Variants in WDFY4 observed in about 807,000 individuals in gnomAD.
WDFY4 encodes WD repeat- and FYVE domain-containing protein 4.
WDFY4 carries 169 observed loss-of-function variants against 351.9 expected under a neutral mutation model. The ratio of observed to expected loss-of-function variants is 0.48; its 90% CI spans 0.42 to 0.55. The LOEUF is 0.55. Among genes scored for constraint, WDFY4 ranks in the 20% least tolerant of loss-of-function variants. The pLI, the probability that WDFY4 is intolerant of heterozygous loss-of-function variation, is 0.00. For synonymous variants in WDFY4, 1,622 were observed against 1,574.6 expected, an observed-to-expected ratio of 1.03 and a Z score of -0.71; for missense variants, 3,803 against 3,935.6, an observed-to-expected ratio of 0.97 and a Z score of 0.90.
At chr10:48,779,549 G>A (rs114599441) in intron 18 of WDFY4, among the ~76,000 whole-genome samples, 1,562 of 152,272 alleles carry the variant, frequency 0.01, 18 homozygotes, top group African/African-American at 0.035. Flanking sequence ...CTGGGACTCG[G>A]CCTACAATGG....
At chr10:48,979,934 GA>G (rs1159695984) in intron 60 of WDFY4, 1 of 152,184 alleles carries the variant, frequency 6.6e-6, no homozygotes, top group African/African-American at 2.4e-5. Flanking sequence ...CCACAGACAA[GA>G]ATCTACCCCA....
intron 1 of WDFY4, among the ~76,000 whole-genome samples, chr10:48,697,975 C>A (rs114188165): frequency 6.6e-6 from 1 of 152,168 alleles, no homozygotes; most frequent in African/African-American, 2.4e-5. Flanking sequence ...CCCACGGGTG[C>A]GCCTGTCCTC....
At position 48,830,838 on chromosome 10, in the gene WDFY4, C is replaced by T. The variant is rs757893031; in HGVS notation, c.6479C>T (p.Thr2160Ile). 5 of 1,551,630 alleles carry T rather than the reference C, an allele frequency of 3.2e-6. No homozygotes were observed. The South Asian group carries it at 5.9e-5, about 18-fold the overall frequency. Residue 2160 changes from threonine (T) to isoleucine (I), a missense_variant, in exon 38 of 62, where the codon ACA becomes ATA. By Grantham distance (89) the Thr-to-Ile change is moderately conservative. This residue lies in a region of WDFY4 where 3,054 missense variants were observed against 3,148.6 expected (regional missense o/e 0.97). Coordinates refer to ENST00000325239, the MANE Select transcript of WDFY4 (RefSeq NM_001394531.1). ...GEREVKIEEV[T>I]PLWEETMLKA... is the part of the protein sequence containing the mutation. Reference sequence around the variant, plus strand: ...AGGGAAGTGAAGATTGAAGAGGTCACACCGCTCTGGGAGGAGACGATGCTC... The same window carrying T: ...AGGGAAGTGAAGATTGAAGAGGTCATACCGCTCTGGGAGGAGACGATGCTC...
intron 45 of WDFY4, among the ~76,000 whole-genome samples, chr10:48,899,721 G>T (rs1242930111): frequency 6.6e-6 from 1 of 152,150 alleles, no homozygotes; most frequent in African/African-American, 2.4e-5. Flanking sequence ...AGGCATTAAG[G>T]AAATACCCCT....
chr10:48,820,790 C>T (rs945699120), intron 33 of WDFY4, among the ~76,000 whole-genome samples: 2 of 152,124 alleles, frequency 1.3e-5, no homozygotes, highest in Non-Finnish European at 2.9e-5. Context: ...TGCTCTCTGC[C>T]TCCCAGGGCC....
intron 1 of WDFY4, among the ~76,000 whole-genome samples, chr10:48,694,253 T>G (rs185445640): frequency 2.4e-4 from 37 of 152,232 alleles, no homozygotes; most frequent in African/African-American, 7.9e-4. Context: ...TCTGGAGACA[T>G]TCCTAATAGA....
chr10:48,945,450 T>C (rs1442990229), intron 49 of WDFY4, among the ~76,000 whole-genome samples: 1 of 152,136 alleles, frequency 6.6e-6, no homozygotes, highest in African/African-American at 2.4e-5. Flanking sequence ...AATTCTTGGC[T>C]CCTCTGCTAA....
intron 51 of WDFY4, among the ~76,000 whole-genome samples, chr10:48,953,732 A>T (rs924153141): frequency 2.0e-5 from 3 of 152,246 alleles, no homozygotes; most frequent in African/African-American, 7.2e-5. Context: ...AGGAAGGAAG[A>T]ATAGACTTTC....
At position 48,709,976 on chromosome 10, in the gene WDFY4, C is replaced by G. The variant is rs78218203; in HGVS notation, c.234+10C>G. ...CCCCCTATTCCTAAAGGTTAGTGTT[C>G]TTATTTTTGAAACTGTAAGGTGATA... On this transcript the variant is annotated intron_variant, in intron 2 of 61. Coordinates refer to ENST00000325239, the MANE Select transcript of WDFY4 (RefSeq NM_001394531.1). 6.5e-7 allele frequency: 1 copy of G among 1,542,096 alleles called. No individual in the cohort carries two copies.
intron 11 of WDFY4, among the ~76,000 whole-genome samples, chr10:48,739,352 A>T (rs537755692): frequency 3.0e-4 from 46 of 152,324 alleles, no homozygotes; most frequent in Admixed American, 5.2e-4. Flanking sequence ...CTTTCTTGAA[A>T]TGTGTCAACC....
At chr10:48,688,291 A>T (rs1269392370) in intron 1 of WDFY4, among the ~76,000 whole-genome samples, 2 of 152,194 alleles carry the variant, frequency 1.3e-5, no homozygotes, top group East Asian at 3.8e-4. Context: ...CTGTCTTGAG[A>T]ATTCTTGGTA....
In WDFY4 at chr10:48,817,365, C is replaced by T. The variant is rs868019602; in HGVS notation, c.5461C>T (p.Leu1821Phe). ...QDPAWRAPEFLQTLAIAAFPL... is the reference protein window; with the variant it reads ...QDPAWRAPEFFQTLAIAAFPL... ...CCCAGCGTGGCGAGCCCCGGAGTTC[C>T]TCCAGACCTTGGCCATAGCCGCCTT... Residue 1821 changes from leucine to phenylalanine, a missense_variant, in exon 32 of 62, where the codon CTC becomes TTC. Physicochemically the swap from Leu to Phe is conservative, Grantham distance 22. This residue lies in a region of WDFY4 where 3,054 missense variants were observed against 3,148.6 expected (regional missense o/e 0.97). Coordinates refer to ENST00000325239, the MANE Select transcript of WDFY4 (RefSeq NM_001394531.1). 5.2e-6 allele frequency: 8 copies of T among 1,551,576 alleles called. No individual in the cohort carries two copies. The African/African-American group carries it at 1.1e-4, about 21-fold the overall frequency.
At chr10:48,959,614 T>C (rs540764373) in intron 52 of WDFY4, 108 bp from the exon 53 acceptor site, 28 of 993,236 alleles carry the variant, frequency 2.8e-5, no homozygotes, top group Admixed American at 2.5e-4. Flanking sequence ...ATAACTCACG[T>C]TCAGACCTAC....
intron 13 of WDFY4, among the ~76,000 whole-genome samples, chr10:48,771,444 A>G (rs994940935): frequency 6.6e-6 from 1 of 152,158 alleles, no homozygotes; most frequent in Non-Finnish European, 1.5e-5. Context: ...CGGGTATGAT[A>G]ATTGTGCCTC....
chr10:48,910,433 A>G (rs1446013180), intron 47 of WDFY4, among the ~76,000 whole-genome samples: 1 of 152,210 alleles, frequency 6.6e-6, no homozygotes, highest in Non-Finnish European at 1.5e-5. Context: ...AGGCTTTCCT[A>G]TGAAGTATTT....
intron 24 of WDFY4, among the ~76,000 whole-genome samples, chr10:48,802,515 G>A: frequency 6.6e-6 from 1 of 152,152 alleles, no homozygotes; most frequent in East Asian, 1.9e-4. Flanking sequence ...ACCTTGTATA[G>A]TCTGGGCCTT....
intron 37 of WDFY4, among the ~76,000 whole-genome samples, chr10:48,830,126 C>T (rs2068139222): frequency 6.6e-6 from 1 of 152,158 alleles, no homozygotes; most frequent in South Asian, 2.1e-4. Flanking sequence ...ATGTGGGGCA[C>T]AGCAGACACA....
chr10:48,726,176 C>A lies in WDFY4; in HGVS notation c.781+106C>A, dbSNP rs1165299319. ...TTTCTACAATGAGACTTGGGATGCT[C>A]TTGCAGCCTCTTATAGAATTTTGGG... On this transcript the variant is annotated intron_variant, in intron 6 of 61. Transcript: ENST00000325239. 5 of 1,274,302 alleles carry A rather than the reference C, an allele frequency of 3.9e-6. No homozygotes were observed. The African/African-American group carries it at 4.5e-5, about 11-fold the overall frequency. The allele number at this position is 1,274,302 out of a possible 1,614,324, so 78.9% of individuals were successfully genotyped here.
At chr10:48,955,905 G>T (rs1017259940) in intron 51 of WDFY4, among the ~76,000 whole-genome samples, 1 of 152,114 alleles carries the variant, frequency 6.6e-6, no homozygotes, top group African/African-American at 2.4e-5. Flanking sequence ...TGCAGAAGAT[G>T]GCAGAAGGAG....
Sources: allele counts gnomAD v4.1 joint callset (sites outside exome capture counted in the v4.1 genomes callset), GRCh38; gene constraint gnomAD v4.1.1; regional missense constraint gnomAD v4.1.1; transcripts MANE v1.5; gene names NCBI Gene and HGNC (gene_info 2026-07-23, HGNC 2026-07-21).